Variants in CCSER1 observed in about 807,000 individuals in gnomAD.
CCSER1 encodes coiled-coil serine rich protein 1, also known as serine-rich coiled-coil domain-containing protein 1.
Under a neutral mutation model 82.0 loss-of-function variants are expected in CCSER1, and 41 were observed. The ratio of observed to expected loss-of-function variants is 0.50; its 90% CI spans 0.39 to 0.65. The LOEUF (loss-of-function observed/expected upper bound fraction) is 0.65. Among genes scored for constraint, CCSER1 ranks in the 30% least tolerant of loss-of-function variants. The probability of loss-of-function intolerance (pLI) is 0.00; values close to 1 mark genes in which losing one functional copy is unlikely to be tolerated. For synonymous variants in CCSER1, 414 were observed against 383.9 expected (o/e 1.08, Z -0.92); for missense variants, 1,119 against 1,064.2 (o/e 1.05, Z -0.72).
chr4:90,293,330 T>G (rs1166742688), intron 1 of CCSER1, among the ~76,000 whole-genome samples: 3 of 151,688 alleles, frequency 2.0e-5, no homozygotes, highest in Non-Finnish European at 3.0e-5. Context: ...ATTTTTATTA[T>G]TCTGTTGTTT....
intron 8 of CCSER1, among the ~76,000 whole-genome samples, chr4:90,838,073 GA>G (rs982637883): frequency 1.3e-5 from 2 of 150,910 alleles, no homozygotes; most frequent in African/African-American, 2.4e-5. Flanking sequence ...GTATAAAAAA[GA>G]AAAAAAACCC....
intron 10 of CCSER1, among the ~76,000 whole-genome samples, chr4:91,305,730 G>C (rs1745011638): frequency 6.6e-6 from 1 of 151,038 alleles, no homozygotes; most frequent in African/African-American, 2.4e-5. Flanking sequence ...ACCCAAGAGT[G>C]GGTAATTTAT....
At chr4:91,318,517 T>C (rs1175505661) in intron 10 of CCSER1, among the ~76,000 whole-genome samples, 1 of 151,952 alleles carries the variant, frequency 6.6e-6, no homozygotes, top group Admixed American at 6.6e-5. Context: ...AAGAAAGTTT[T>C]TTATAGACTC....
intron 7 of CCSER1, among the ~76,000 whole-genome samples, chr4:90,762,523 T>A (rs1292327269): frequency 6.6e-6 from 1 of 152,148 alleles, no homozygotes; most frequent in Non-Finnish European, 1.5e-5. Flanking sequence ...CTCTGTCTTC[T>A]TAGTATCATC....
At chr4:90,865,921 C>G (rs1366072253) in intron 8 of CCSER1, among the ~76,000 whole-genome samples, 2 of 151,804 alleles carry the variant, frequency 1.3e-5, no homozygotes. Flanking sequence ...ATGGGGAGGC[C>G]TCAGGATACT....
intron 7 of CCSER1, among the ~76,000 whole-genome samples, chr4:90,769,909 G>C (rs1040022089): frequency 1.3e-5 from 2 of 152,234 alleles, no homozygotes; most frequent in African/African-American, 4.8e-5. Flanking sequence ...CTACCACCTG[G>C]TATTCAGGCC....
intron 3 of CCSER1, among the ~76,000 whole-genome samples, chr4:90,397,285 T>C (rs546969763): frequency 2.0e-5 from 3 of 152,336 alleles, no homozygotes; most frequent in Admixed American, 6.5e-5. Context: ...ATGTCGTGAA[T>C]TTTCCAAATT....
chr4:90,552,415 T>C (rs2153641852), intron 5 of CCSER1, among the ~76,000 whole-genome samples: 1 of 152,276 alleles, frequency 6.6e-6, no homozygotes, highest in Middle Eastern at 3.4e-3. Flanking sequence ...GAATAACATT[T>C]TTAGAACAAA....
At chr4:91,141,402 T>C (rs1476392465) in intron 10 of CCSER1, among the ~76,000 whole-genome samples, 2 of 152,210 alleles carry the variant, frequency 1.3e-5, no homozygotes, top group African/African-American at 4.8e-5. Flanking sequence ...TCTGCCCGCC[T>C]TGGCCTCCCA....
chr4:91,166,491 A>G (rs956251624), intron 10 of CCSER1, among the ~76,000 whole-genome samples: 3 of 152,216 alleles, frequency 2.0e-5, no homozygotes, highest in African/African-American at 7.2e-5. Context: ...GCCATGAGTA[A>G]ATAAGTAATA....
At chr4:91,512,261 A>G (rs1035653574) in intron 10 of CCSER1, among the ~76,000 whole-genome samples, 112 of 152,310 alleles carry the variant, frequency 7.4e-4, no homozygotes, top group African/African-American at 2.6e-3. Context: ...GGTACCATCT[A>G]ATCAACTGCC....
intron 6 of CCSER1, among the ~76,000 whole-genome samples, chr4:90,634,979 A>G (rs111427522): frequency 0.029 from 4,407 of 151,848 alleles, 203 homozygotes; most frequent in African/African-American, 0.1. Flanking sequence ...CACAGTCAGA[A>G]AGCCATACTT....
intron 5 of CCSER1, among the ~76,000 whole-genome samples, chr4:90,587,066 G>A (rs1193074283): frequency 6.6e-6 from 1 of 152,144 alleles, no homozygotes; most frequent in Non-Finnish European, 1.5e-5. Flanking sequence ...ATGTGATAAG[G>A]ACTCAATCAC....
intron 10 of CCSER1, among the ~76,000 whole-genome samples, chr4:91,330,791 A>G (rs1427141011): frequency 6.6e-6 from 1 of 152,152 alleles, no homozygotes; most frequent in East Asian, 1.9e-4. Context: ...GTCTCCCCTT[A>G]TCTGAGGTTT....
intron 10 of CCSER1, among the ~76,000 whole-genome samples, chr4:91,428,858 T>C (rs1400783082): frequency 4.6e-5 from 7 of 152,054 alleles, no homozygotes; most frequent in South Asian, 2.1e-4. Context: ...ATTGTCTGTC[T>C]ATTATTTTTC....
intron 5 of CCSER1, among the ~76,000 whole-genome samples, chr4:90,542,339 A>C (rs981725699): frequency 2.0e-5 from 3 of 152,128 alleles, no homozygotes; most frequent in Admixed American, 2.0e-4. Flanking sequence ...TATTCTGCAG[A>C]TGAGATGAAA....
At chr4:91,348,852 C>G (rs1451212233) in intron 10 of CCSER1, among the ~76,000 whole-genome samples, 2 of 151,996 alleles carry the variant, frequency 1.3e-5, no homozygotes, top group African/African-American at 4.8e-5. Context: ...CTTCCTTAAC[C>G]TGGCTAGAGG....
intron 8 of CCSER1, among the ~76,000 whole-genome samples, chr4:90,847,775 TG>T (rs1467849984): frequency 2.6e-5 from 4 of 152,206 alleles, no homozygotes; most frequent in Non-Finnish European, 5.9e-5. Flanking sequence ...AGTGTTTCCA[TG>T]GATCTTCTAA....
At chr4:91,174,949 T>C (rs2149012180) in intron 10 of CCSER1, among the ~76,000 whole-genome samples, 1 of 152,222 alleles carries the variant, frequency 6.6e-6, no homozygotes, top group Middle Eastern at 3.4e-3. Flanking sequence ...AATAGGTATA[T>C]CTCCTAATGC....
Sources: allele counts gnomAD v4.1 joint callset (sites outside exome capture counted in the v4.1 genomes callset), GRCh38; gene constraint gnomAD v4.1.1; transcripts MANE v1.5; gene names NCBI Gene and HGNC (gene_info 2026-07-23, HGNC 2026-07-21).